Variants in RUNX1 observed in about 807,000 individuals in gnomAD.
The protein encoded by RUNX1 is RUNX family transcription factor 1.
A neutral mutation model predicts 42.8 loss-of-function variants in RUNX1; 19 were observed. The observed-to-expected ratio is 0.44, with a 90% confidence interval of 0.31 to 0.65. The LOEUF (loss-of-function observed/expected upper bound fraction) is 0.65, where lower values mean the gene tolerates loss of function less well. RUNX1 is among the 30% of genes least tolerant of loss of function. The pLI is 0.07. For missense variants in RUNX1, 528 were observed against 672.0 expected (o/e 0.79, Z 2.37); for synonymous variants, 271 against 289.4 (o/e 0.94, Z 0.64).
chr21:34,803,972 C>T (rs900403251), intron 7 of RUNX1, among the ~76,000 whole-genome samples: 1 of 152,184 alleles, frequency 6.6e-6, no homozygotes, highest in African/African-American at 2.4e-5. Flanking sequence ...TGAGAGTCAT[C>T]ACTCTTGTTT....
intron 7 of RUNX1, chr21:34,834,143 C>T: frequency 1.5e-6 from 1 of 681,396 alleles, no homozygotes; most frequent in Non-Finnish European, 2.7e-6. Context: ...ATATCCATAC[C>T]CAGAGCTCCT....
intron 6 of RUNX1, 31 bp downstream of exon 6, chr21:34,859,443 G>A (rs754238193): frequency 2.1e-6 from 3 of 1,446,042 alleles, no homozygotes; most frequent in South Asian, 2.3e-5. Flanking sequence ...CCAGCCTGGA[G>A]GGTGTACCAG....
chr21:34,827,971 G>C (rs1348262374), intron 7 of RUNX1, among the ~76,000 whole-genome samples: 1 of 152,222 alleles, frequency 6.6e-6, no homozygotes, highest in African/African-American at 2.4e-5. Context: ...CTGCCACAAA[G>C]AGTCCCCACT....
intron 7 of RUNX1, among the ~76,000 whole-genome samples, chr21:34,806,978 A>T (rs1218729936): frequency 6.6e-6 from 1 of 152,110 alleles, no homozygotes; most frequent in Non-Finnish European, 1.5e-5. Context: ...CTTAGAGGGA[A>T]ATTTATAGCA....
In RUNX1 at chr21:35,045,195, C is replaced by T. The variant is rs188436364; in HGVS notation, c.58+3647G>A. On this transcript the variant is annotated intron_variant, in intron 2 of 8. Coordinates refer to ENST00000675419, the MANE Select transcript of RUNX1 (RefSeq NM_001754.5). ...ATTGTGAGTTTAGATAGTTTTATCA[C>T]ACCTTTTTTTTTTATAGTTTCAAAA... Among the ~76,000 whole-genome samples, 344 of 147,974 alleles carry T rather than the reference C, an allele frequency of 2.3e-3. 4 individuals carry two copies. Among genetic ancestry groups the T allele is most frequent in the African/African-American group, 8.1e-3 (330 of 40,960 alleles).
At chr21:34,923,170 C>G (rs554800474) in intron 2 of RUNX1, among the ~76,000 whole-genome samples, 1 of 152,128 alleles carries the variant, frequency 6.6e-6, no homozygotes, top group South Asian at 2.1e-4. Context: ...TATCCTTGGC[C>G]GTTAGGACGG....
intron 2 of RUNX1, among the ~76,000 whole-genome samples, chr21:34,983,407 T>G (rs1433329424): frequency 6.6e-6 from 1 of 152,192 alleles, no homozygotes; most frequent in East Asian, 1.9e-4. Flanking sequence ...CAAAATAAAT[T>G]TATTACTCTA....
chr21:34,955,196 T>C (rs551570882), intron 2 of RUNX1, among the ~76,000 whole-genome samples: 27 of 152,186 alleles, frequency 1.8e-4, no homozygotes, highest in Admixed American at 1.0e-3. Context: ...ATCTGGAAGC[T>C]ACCGAATCCA....
rs2058175429 is a variant in RUNX1, at chr21:34,901,307, T to C, written c.59-8344A>G. On this transcript the variant is annotated intron_variant, in intron 2 of 8. Coordinates refer to ENST00000675419, the MANE Select transcript of RUNX1 (RefSeq NM_001754.5). This position sits in a 1 kb window ranked among gnomAD's most constrained non-coding sequence, Gnocchi z 4.3. ...CGGGTGGATCATGAGGTCAAGAGTT[T>C]GAGACCAGCCCGGCCAACATGGTGA... Among the ~76,000 whole-genome samples the C allele has an allele frequency of 6.6e-6, 1 of 151,766 alleles. No homozygotes were observed. The highest frequency in any genetic ancestry group is 2.4e-5 in the African/African-American group (1 of 41,298).
chr21:34,839,169 G>C (rs2057192535), intron 6 of RUNX1, among the ~76,000 whole-genome samples: 1 of 152,088 alleles, frequency 6.6e-6, no homozygotes, highest in Admixed American at 6.6e-5. Context: ...GAGAGGTTAT[G>C]TCATTTGCCC....
At chr21:34,885,177 A>C (rs1216121772) in intron 4 of RUNX1, among the ~76,000 whole-genome samples, 3 of 152,102 alleles carry the variant, frequency 2.0e-5, no homozygotes, top group African/African-American at 7.2e-5. Context: ...CCCCAAAAGG[A>C]AGCCACAAAT....
intron 7 of RUNX1, among the ~76,000 whole-genome samples, chr21:34,829,696 G>A (rs890668128): frequency 6.6e-6 from 1 of 152,140 alleles, no homozygotes; most frequent in African/African-American, 2.4e-5. Flanking sequence ...TCACATATGA[G>A]GATTTCTGGT....
At position 34,918,958 on chromosome 21, in the gene RUNX1, T is replaced by C. The variant is rs1200273350; in HGVS notation, c.59-25995A>G. Among the ~76,000 whole-genome samples, 3 of 152,152 alleles carry C rather than the reference T, an allele frequency of 2.0e-5. No individual in the cohort carries two copies. The East Asian group carries it at 5.8e-4, about 29-fold the overall frequency. On this transcript the variant is annotated intron_variant, in intron 2 of 8. Transcript: ENST00000675419. ...ATGAAATGTATGTGTGAAATGACAG[T>C]AGAGTGTATTTTGAGATATATCATA...
intron 2 of RUNX1, among the ~76,000 whole-genome samples, chr21:35,016,849 G>A (rs762558180): frequency 1.5e-4 from 22 of 151,472 alleles, no homozygotes; most frequent in Non-Finnish European, 2.1e-4. Context: ...ATCAGAATCC[G>A]TAGAATCTCT....
At chr21:34,979,769 T>G (rs2058832811) in intron 2 of RUNX1, among the ~76,000 whole-genome samples, 2 of 152,248 alleles carry the variant, frequency 1.3e-5, no homozygotes, top group Admixed American at 1.3e-4. Context: ...TTCACAGTAG[T>G]ATAAAAACAT....
At chr21:34,846,552 A>AAGG (rs2057319187) in intron 6 of RUNX1, among the ~76,000 whole-genome samples, 2 of 152,164 alleles carry the variant, frequency 1.3e-5, no homozygotes, top group African/African-American at 4.8e-5. Flanking sequence ...CCTTCTGTAG[A>AAGG]TGAGGAATCT....
chr21:34,829,311 C>T (rs559773548), intron 7 of RUNX1, among the ~76,000 whole-genome samples: 18 of 152,184 alleles, frequency 1.2e-4, no homozygotes, highest in Non-Finnish European at 2.4e-4. Context: ...CATGGGTGTG[C>T]TGGCCTACAT....
At chr21:34,795,053 C>G (rs935738844) in intron 8 of RUNX1, among the ~76,000 whole-genome samples, 1 of 152,198 alleles carries the variant, frequency 6.6e-6, no homozygotes, top group Admixed American at 6.5e-5. Context: ...CTCTTTATAT[C>G]AGCAAATCCA....
At chr21:34,887,850 A>G in intron 3 of RUNX1, 1 of 1,064,976 alleles carries the variant, frequency 9.4e-7, no homozygotes. Flanking sequence ...GCTGAGCTAG[A>G]AGTACTTGTC....
Sources: gnomAD v4.1 joint callset for allele counts (sites outside exome capture counted in the v4.1 genomes callset) on GRCh38, gnomAD v4.1.1 for gene constraint, Gnocchi (gnomAD v3.1) non-coding constraint, MANE v1.5 for transcripts, NCBI Gene and HGNC (gene_info 2026-07-23, HGNC 2026-07-21) for gene names.